The following PCDH15 variants were observed in gnomAD, a reference collection of about 807,000 sequenced individuals.
The protein encoded by PCDH15 is protocadherin related 15, also known as protocadherin-15.
Under a neutral mutation model 178.5 loss-of-function variants are expected in PCDH15, and 129 were observed. The observed-to-expected ratio is 0.72, with a 90% CI of 0.63 to 0.84. The LOEUF is 0.84. PCDH15 is among the 40% of genes least tolerant of loss of function. The pLI is 0.00. For synonymous variants in PCDH15, 800 were observed against 732.0 expected (o/e 1.09, Z -1.50); for missense variants, 2,230 against 2,099.9 (o/e 1.06, Z -1.21).
At chr10:55,045,092 C>G (rs1415355510) in intron 2 of PCDH15, among the ~76,000 whole-genome samples, 5 of 152,032 alleles carry the variant, frequency 3.3e-5, no homozygotes, top group Non-Finnish European at 5.9e-5. Context: ...GATGCAATAC[C>G]ATGCTGCTCT....
chr10:55,409,099 G>A (rs2132033225), intron 2 of PCDH15, among the ~76,000 whole-genome samples: 1 of 146,438 alleles, frequency 6.8e-6, no homozygotes, highest in Admixed American at 6.7e-5. Flanking sequence ...CTCACTGTAG[G>A]TGTGTTCAAT....
chr10:54,364,389 T>A (rs191922314), intron 5 of PCDH15, among the ~76,000 whole-genome samples: 147 of 152,262 alleles, frequency 9.7e-4, no homozygotes, highest in Non-Finnish European at 1.5e-3. Context: ...TATTTATTGA[T>A]TTTAAGCTCA....
intron 21 of PCDH15, among the ~76,000 whole-genome samples, 170 bp from the exon 22 acceptor site, chr10:53,962,062 T>A (rs1351180848): frequency 2.3e-5 from 3 of 131,878 alleles, no homozygotes; most frequent in African/African-American, 8.2e-5. Context: ...TTCTTCATGA[T>A]AACTCAATCT....
intron 2 of PCDH15, among the ~76,000 whole-genome samples, chr10:54,602,010 C>T (rs1217073471): frequency 6.6e-6 from 1 of 151,744 alleles, no homozygotes; most frequent in Non-Finnish European, 1.5e-5. Context: ...GGGAGAGGAT[C>T]TGAAAAAAGT....
intron 2 of PCDH15, among the ~76,000 whole-genome samples, chr10:55,541,093 A>G (rs1589124620): frequency 6.6e-6 from 1 of 152,206 alleles, no homozygotes; most frequent in East Asian, 1.9e-4. Flanking sequence ...TGCACAGTGT[A>G]ACGTTTAGAA....
At chr10:54,805,932 G>A (rs929620507), upstream of PCDH15, among the ~76,000 whole-genome samples, 6 of 152,116 alleles carry the variant, frequency 3.9e-5, no homozygotes, top group Non-Finnish European at 8.8e-5. Flanking sequence ...AAGCATTTCT[G>A]TTGGGCTTTC....
intron 2 of PCDH15, among the ~76,000 whole-genome samples, chr10:54,535,818 T>C (rs1232793741): frequency 6.6e-6 from 1 of 151,550 alleles, no homozygotes; most frequent in African/African-American, 2.4e-5. Flanking sequence ...AGATGAAGTA[T>C]ATAATTTTAA....
chr10:54,314,159 ACACACG>A (rs1436855008), intron 8 of PCDH15, among the ~76,000 whole-genome samples: 8 of 142,108 alleles, frequency 5.6e-5, no homozygotes, highest in African/African-American at 2.1e-4. Context: ...ACACACACAC[ACACACG>A]CAATACAGAG....
intron 8 of PCDH15, among the ~76,000 whole-genome samples, chr10:54,309,574 A>T (rs1564929163): frequency 6.6e-6 from 1 of 152,094 alleles, no homozygotes; most frequent in Non-Finnish European, 1.5e-5. Flanking sequence ...CAGGTAGATC[A>T]TCTGAGGTCA....
At chr10:53,977,368 TG>T (rs1417922435) in intron 21 of PCDH15, among the ~76,000 whole-genome samples, 1 of 152,226 alleles carries the variant, frequency 6.6e-6, no homozygotes, top group Non-Finnish European at 1.5e-5. Context: ...AGACAGTTTA[TG>T]AATTTGTGTT....
At position 54,489,160 on chromosome 10, in the gene PCDH15, TTC is replaced by T. The variant is rs574463367; in HGVS notation, c.157+38650_157+38651del. Among the ~76,000 whole-genome samples the T allele has an allele frequency of 1.3e-3, 198 of 152,176 alleles. 2 individuals are homozygous for T. The highest frequency in any genetic ancestry group is 2.1e-3 in the Non-Finnish European group (140 of 67,940). On this transcript the variant is annotated intron_variant, in intron 3 of 37. Transcript: ENST00000644397. ...GATACCATTAAATTGGGTTAATACT[TTC>T]TGTTTATTTAAAATATTGTATTTTC...
At chr10:54,148,248 G>C (rs1268656559) in intron 14 of PCDH15, among the ~76,000 whole-genome samples, 1 of 151,950 alleles carries the variant, frequency 6.6e-6, no homozygotes, top group African/African-American at 2.4e-5. Flanking sequence ...GCCCTTAGCT[G>C]TTTATCAGGT....
intron 3 of PCDH15, among the ~76,000 whole-genome samples, chr10:54,853,727 TG>T (rs1401652638): frequency 2.0e-5 from 3 of 152,014 alleles, no homozygotes; most frequent in African/African-American, 4.8e-5. Context: ...AAAATATTAA[TG>T]GGTATGATGT....
At chr10:54,517,642 G>T (rs2082370396) in intron 3 of PCDH15, among the ~76,000 whole-genome samples, 1 of 152,046 alleles carries the variant, frequency 6.6e-6, no homozygotes, top group Non-Finnish European at 1.5e-5. Context: ...GTCAACATTA[G>T]ACAGATCAAT....
At chr10:55,541,307 C>T (rs1194707434) in intron 2 of PCDH15, among the ~76,000 whole-genome samples, 1 of 151,818 alleles carries the variant, frequency 6.6e-6, no homozygotes, top group Admixed American at 6.6e-5. Context: ...CAACTATATC[C>T]CTAAGGATTT....
chr10:53,937,802 G>A (rs1361242567), intron 25 of PCDH15, among the ~76,000 whole-genome samples: 1 of 151,976 alleles, frequency 6.6e-6, no homozygotes. Flanking sequence ...ACACTGCCTG[G>A]GTTCTTGCTT....
intron 32 of PCDH15, chr10:53,823,640 T>C (rs554478127): frequency 1.0e-5 from 5 of 501,034 alleles, no homozygotes. Flanking sequence ...TTGTTTTTTT[T>C]CAGCTAGTGT....
At chr10:55,337,516 C>T (rs947247344) in intron 2 of PCDH15, among the ~76,000 whole-genome samples, 1 of 152,076 alleles carries the variant, frequency 6.6e-6, no homozygotes, top group Non-Finnish European at 1.5e-5. Flanking sequence ...TGAAAGGAAT[C>T]GGATATTAAC....
chr10:54,449,287 T>C (rs2076324244), intron 3 of PCDH15, among the ~76,000 whole-genome samples: 1 of 151,768 alleles, frequency 6.6e-6, no homozygotes, highest in African/African-American at 2.4e-5. Flanking sequence ...TTTGTTTCAT[T>C]TCCTTTCAGT....
Sources: gnomAD v4.1 joint callset for allele counts (sites outside exome capture counted in the v4.1 genomes callset) on GRCh38, gnomAD v4.1.1 for gene constraint, MANE v1.5 for transcripts, NCBI Gene and HGNC (gene_info 2026-07-23, HGNC 2026-07-21) for gene names.